Variants in CCDC85C observed in about 807,000 individuals in gnomAD.
CCDC85C encodes the protein coiled-coil domain-containing protein 85C.
CCDC85C carries 18 observed loss-of-function variants against 38.3 expected under a neutral mutation model. The ratio of observed to expected loss-of-function variants is 0.47; its 90% CI spans 0.33 to 0.70. The LOEUF (loss-of-function observed/expected upper bound fraction) is 0.70. Ranked by LOEUF, CCDC85C falls within the 30% of genes least tolerant of loss-of-function variation. The probability of loss-of-function intolerance (pLI) is 0.03; values close to 1 mark genes in which losing one functional copy is unlikely to be tolerated. For synonymous variants in CCDC85C, 264 were observed against 293.8 expected (o/e 0.90, Z 1.04); for missense variants, 566 against 621.2 (o/e 0.91, Z 0.94).
rs115794071 is a variant in CCDC85C, at chr14:99,535,630, G to A, written c.867+385C>T. On this transcript the variant is annotated intron_variant, in intron 2 of 5. Transcript: ENST00000380243. This position sits in a 1 kb window ranked among gnomAD's most constrained non-coding sequence, Gnocchi z 5.5. ...GAGGAGGGGAACCCAGCCCAGGGAG[G>A]TACCGGCCAGTGAGTCCAGCACGGC... 0.017 allele frequency among the ~76,000 whole-genome samples: 2,663 copies of A among 152,246 alleles called. 83 individuals are homozygous for A. Among genetic ancestry groups the A allele is most frequent in the African/African-American group, 0.061 (2,519 of 41,534 alleles).
chr14:99,502,596 G>C lies in CCDC85C; in HGVS notation c.*12650C>G. On this transcript the variant is annotated 3_prime_UTR_variant, in exon 6 of 6. Transcript: ENST00000380243. ...CAGTGTTGCACACAACGAAGATGGGGTGAGTTGTAAATGTGATTCATGCTT... is the reference window on the plus strand; with the variant it reads ...CAGTGTTGCACACAACGAAGATGGGCTGAGTTGTAAATGTGATTCATGCTT... 8.3e-7 allele frequency: 1 copy of C among 1,205,992 alleles called. No individual in the cohort carries two copies. The highest frequency in any genetic ancestry group is 1.5e-5 in the African/African-American group (1 of 65,588). The allele number at this position is 1,205,992 out of a possible 1,614,324, so 74.7% of individuals were successfully genotyped here. A position where few individuals can be genotyped will look rare whatever the true frequency, so the allele number is the denominator to read the frequency against.
Position 99,604,092 on chromosome 14 carries a change from G to GGC in CCDC85C, c.-135_-134dup. The GGC allele has an allele frequency of 7.6e-6, 7 of 921,402 alleles. No individual in the cohort carries two copies. The highest frequency in any genetic ancestry group is 9.0e-6 in the Non-Finnish European group (7 of 775,194). 57.1% of individuals were successfully genotyped at this position (921,402 alleles called of 1,614,324 possible). ...GCGTGCGGCCCGCCCCGCGCCGCCTGGCGCGTCCTCTCGCCGCGCCCGCCG... is the reference window on the plus strand; with the variant it reads ...GCGTGCGGCCCGCCCCGCGCCGCCTGGCGCGCGTCCTCTCGCCGCGCCCGCCG... On this transcript the variant is annotated 5_prime_UTR_variant, in exon 1 of 6. Coordinates refer to ENST00000380243, the MANE Select transcript of CCDC85C (RefSeq NM_001144995.2).
At chr14:99,546,057 TGG>T (rs113645352) in intron 1 of CCDC85C, among the ~76,000 whole-genome samples, 9 of 145,686 alleles carry the variant, frequency 6.2e-5, no homozygotes, top group African/African-American at 2.2e-4. Context: ...GAAGTCTGCA[TGG>T]GGGGGGGGAA....
chr14:99,579,188 C>T (rs893273962), intron 1 of CCDC85C, among the ~76,000 whole-genome samples: 1 of 152,242 alleles, frequency 6.6e-6, no homozygotes, highest in Non-Finnish European at 1.5e-5. Flanking sequence ...TGCCTTTTCC[C>T]CCATGAAATG....
At chr14:99,582,965 C>A (rs564934793) in intron 1 of CCDC85C, 1 of 152,154 alleles carries the variant, frequency 6.6e-6, no homozygotes, top group East Asian at 1.9e-4. Flanking sequence ...AGAGTTTATA[C>A]GAGAACTCTC....
At chr14:99,585,622 G>A (rs1237537753) in intron 1 of CCDC85C, among the ~76,000 whole-genome samples, 1 of 152,256 alleles carries the variant, frequency 6.6e-6, no homozygotes, top group African/African-American at 2.4e-5. Flanking sequence ...ATCCTCAAGA[G>A]CCCATACAAT....
intron 2 of CCDC85C, among the ~76,000 whole-genome samples, chr14:99,526,984 C>G (rs1031368417): frequency 6.6e-6 from 1 of 152,086 alleles, no homozygotes; most frequent in African/African-American, 2.4e-5. Flanking sequence ...TCATCCGTCT[C>G]GGAGATCCTC....
rs1245029946 is a variant in CCDC85C, at chr14:99,603,118, A to G, written c.793+49T>C. On this transcript the variant is annotated intron_variant, in intron 1 of 5. Coordinates refer to ENST00000380243, the MANE Select transcript of CCDC85C (RefSeq NM_001144995.2). This position sits in a 1 kb window ranked among gnomAD's most constrained non-coding sequence, Gnocchi z 7.5. Reference sequence around the variant, plus strand: ...CCTCCTCTCGCCGCAGCCTGGGAAAAGGGCTGCAGCCAGGGAGACCCGCGC... The same window carrying G: ...CCTCCTCTCGCCGCAGCCTGGGAAAGGGGCTGCAGCCAGGGAGACCCGCGC... 5 of 1,280,378 alleles carry G rather than the reference A, an allele frequency of 3.9e-6. No homozygotes were observed. The South Asian group carries it at 7.3e-5, about 19-fold the overall frequency. The allele number at this position is 1,280,378 out of a possible 1,614,324, so 79.3% of individuals were successfully genotyped here. A position where few individuals can be genotyped will look rare whatever the true frequency, so the allele number is the denominator to read the frequency against.
chr14:99,556,756 G>A (rs1368625685), intron 1 of CCDC85C, among the ~76,000 whole-genome samples: 1 of 151,996 alleles, frequency 6.6e-6, no homozygotes, highest in African/African-American at 2.4e-5. Context: ...CAAACTCCTG[G>A]GTTCAAGCAA....
chr14:99,555,501 C>T (rs1480464418), intron 1 of CCDC85C, among the ~76,000 whole-genome samples: 2 of 152,172 alleles, frequency 1.3e-5, no homozygotes, highest in Non-Finnish European at 2.9e-5. Context: ...ACTTTTTTCT[C>T]CCAGGCCAAG....
At chr14:99,553,166 T>C (rs1897945608) in intron 1 of CCDC85C, among the ~76,000 whole-genome samples, 1 of 152,042 alleles carries the variant, frequency 6.6e-6, no homozygotes. Flanking sequence ...CATCTGTAAA[T>C]GGGAAGGATG....
intron 1 of CCDC85C, among the ~76,000 whole-genome samples, chr14:99,577,805 G>A (rs984169804): frequency 7.0e-6 from 1 of 143,784 alleles, no homozygotes; most frequent in African/African-American, 2.7e-5. Flanking sequence ...CAGTGTGTGT[G>A]TGTGTGTGTA....
At chr14:99,536,725 T>C (rs1307921530) in intron 1 of CCDC85C, among the ~76,000 whole-genome samples, 1 of 152,232 alleles carries the variant, frequency 6.6e-6, no homozygotes, top group Non-Finnish European at 1.5e-5. Context: ...CCTGGTCATG[T>C]GTCCCCAGTT....
chr14:99,517,642 G>A lies in CCDC85C; in HGVS notation c.976-459C>T, dbSNP rs367978796. Among the ~76,000 whole-genome samples the A allele has an allele frequency of 8.5e-5, 13 of 152,104 alleles. No homozygotes were observed. In the East Asian group the frequency reaches 1.3e-3, roughly 16 times the overall value. ...GCCACCGGTGGGCGAGGCCGGCTTCGCCCTGAGCACTCCCTGGGGCCTGCC... is the reference window on the plus strand; with the variant it reads ...GCCACCGGTGGGCGAGGCCGGCTTCACCCTGAGCACTCCCTGGGGCCTGCC... On this transcript the variant is annotated intron_variant, in intron 3 of 5. Transcript: ENST00000380243.
intron 1 of CCDC85C, among the ~76,000 whole-genome samples, chr14:99,578,737 C>T (rs945737435): frequency 2.0e-5 from 3 of 152,186 alleles, no homozygotes; most frequent in Non-Finnish European, 2.9e-5. Context: ...CACGTGTAAT[C>T]GGGAGACAGG....
chr14:99,523,398 C>G (rs1897328714), intron 2 of CCDC85C, among the ~76,000 whole-genome samples: 1 of 152,180 alleles, frequency 6.6e-6, no homozygotes, highest in Non-Finnish European at 1.5e-5. Flanking sequence ...TTCTCCCAGC[C>G]CCATCAGAGC....
At chr14:99,552,555 C>A in intron 1 of CCDC85C, among the ~76,000 whole-genome samples, 1 of 152,222 alleles carries the variant, frequency 6.6e-6, no homozygotes, top group East Asian at 1.9e-4. Flanking sequence ...AAGGGAAGGC[C>A]AGGCACCCTG....
chr14:99,552,001 G>T (rs1897921421), intron 1 of CCDC85C, among the ~76,000 whole-genome samples: 1 of 152,210 alleles, frequency 6.6e-6, no homozygotes, highest in African/African-American at 2.4e-5. Flanking sequence ...AGGACCTGAG[G>T]CTAAGAGGAG....
Position 99,603,137 on chromosome 14 carries a change from C to A in CCDC85C, c.793+30G>T, listed in dbSNP as rs1213571947. 5 of 1,300,378 alleles carry A rather than the reference C, an allele frequency of 3.8e-6. No homozygotes were observed. The highest frequency in any genetic ancestry group is 4.9e-6 in the Non-Finnish European group (5 of 1,024,266). 80.6% of individuals were successfully genotyped at this position (1,300,378 alleles called of 1,614,324 possible). On this transcript the variant is annotated intron_variant, in intron 1 of 5. Transcript: ENST00000380243. The surrounding 1 kb of genome is among the most constrained non-coding windows in gnomAD (Gnocchi z 7.5). ...GGGAAAAGGGCTGCAGCCAGGGAGACCCGCGCTGCCCGGCCCGTGTAGTCC... is the reference window on the plus strand; with the variant it reads ...GGGAAAAGGGCTGCAGCCAGGGAGAACCGCGCTGCCCGGCCCGTGTAGTCC...
Sources: gnomAD v4.1 joint callset for allele counts (sites outside exome capture counted in the v4.1 genomes callset) on GRCh38, gnomAD v4.1.1 for gene constraint, Gnocchi (gnomAD v3.1) non-coding constraint, MANE v1.5 for transcripts, NCBI Gene and HGNC (gene_info 2026-07-23, HGNC 2026-07-21) for gene names.